The following MEIOC variants were observed in gnomAD, a reference collection of about 807,000 sequenced individuals.
The protein encoded by MEIOC is meiosis specific with coiled-coil domain, also known as meiosis-specific coiled-coil domain-containing protein MEIOC.
A neutral mutation model predicts 85.3 loss-of-function variants in MEIOC; 9 were observed. The observed-to-expected ratio is 0.11, with a 90% CI of 0.06 to 0.18. The LOEUF (loss-of-function observed/expected upper bound fraction) is 0.18. MEIOC is among the 10% of genes least tolerant of loss of function. MEIOC has a pLI of 1.00. For missense variants in MEIOC, 898 were observed against 1,129.4 expected, an observed-to-expected ratio of 0.80 and a Z score of 2.94; for synonymous variants, 365 against 393.7, an observed-to-expected ratio of 0.93 and a Z score of 0.86.
At chr17:44,666,054 A>T (rs911860278) in intron 4 of MEIOC, among the ~76,000 whole-genome samples, 7 of 152,210 alleles carry the variant, frequency 4.6e-5, no homozygotes, top group African/African-American at 1.7e-4. Context: ...TAATAACCTA[A>T]GCAAAGGAAA....
At chr17:44,673,258 T>C (rs1972035400) in intron 6 of MEIOC, 108 bp from the exon 7 acceptor site, 2 of 767,070 alleles carry the variant, frequency 2.6e-6, no homozygotes, top group East Asian at 3.0e-5. Flanking sequence ...CTTTGATTTA[T>C]TGAATGAATA....
chr17:44,663,977 A>C (rs762201780), intron 3 of MEIOC, among the ~76,000 whole-genome samples: 1 of 152,250 alleles, frequency 6.6e-6, no homozygotes. Context: ...GATCAATTAA[A>C]TATGAGTGTT....
chr17:44,667,429 A>G lies in MEIOC; in HGVS notation c.1518A>G (p.Ala506=), dbSNP rs764314659. The change falls in exon 5 of 8, where the codon GCA becomes GCG. Residue 506 remains alanine (A), a synonymous_variant. Coordinates refer to ENST00000409122, the MANE Select transcript of MEIOC (RefSeq NM_001145080.3). ...NLMKLNSHLS[A]ASKGSNHSSD... Reference sequence around the variant, plus strand: ...TGAAATTAAATAGTCATTTAAGTGCAGCTTCAAAAGGTTCTAACCATTCTT... The same window carrying G: ...TGAAATTAAATAGTCATTTAAGTGCGGCTTCAAAAGGTTCTAACCATTCTT... 1.2e-6 allele frequency: 2 copies of G among 1,613,728 alleles called. No individual in the cohort carries two copies. The highest frequency in any genetic ancestry group is 1.7e-4 in the Middle Eastern group (1 of 6,056).
At position 44,666,770 on chromosome 17, in the gene MEIOC, A is replaced by G. The variant is rs1598727559; in HGVS notation, c.859A>G (p.Ile287Val). ...SDIMKESGVD[I>V]YHYGRDRICT... ...TATCATGAAAGAATCAGGAGTTGAT[A>G]TCTACCATTATGGAAGAGACAGAAT... is the stretch of plus-strand genomic sequence containing the variant. Residue 287 changes from isoleucine (I) to valine (V), a missense_variant, in exon 5 of 8, where the codon ATC (isoleucine) becomes GTC (valine). By Grantham distance (29) the Ile-to-Val change is conservative. Coordinates refer to ENST00000409122, the MANE Select transcript of MEIOC (RefSeq NM_001145080.3). The G allele has an allele frequency of 4.3e-6, 7 of 1,613,590 alleles. No homozygotes were observed. Among genetic ancestry groups the G allele is most frequent in the East Asian group, 2.2e-5 (1 of 44,864 alleles).
At chr17:44,669,258 G>T in intron 5 of MEIOC, 125 bp from the exon 6 acceptor site, 1 of 746,738 alleles carries the variant, frequency 1.3e-6, no homozygotes, top group East Asian at 2.8e-5. Flanking sequence ...GTTGTCTTTT[G>T]ATACCAAAAC....
At chr17:44,671,564 T>A (rs1433710835) in intron 6 of MEIOC, among the ~76,000 whole-genome samples, 2 of 145,056 alleles carry the variant, frequency 1.4e-5, no homozygotes, top group South Asian at 2.2e-4. Context: ...AAAAAAAAAA[T>A]TCATTTTATC....
At position 44,673,483 on chromosome 17, in the gene MEIOC, G is replaced by A; in HGVS notation, c.2575G>A (p.Asp859Asn). 6.4e-7 allele frequency: 1 copy of A among 1,551,340 alleles called. No individual in the cohort carries two copies. The highest frequency in any genetic ancestry group is 8.7e-7 in the Non-Finnish European group (1 of 1,146,916). The change falls in exon 7 of 8, where the codon GAT becomes AAT. Residue 859 changes from aspartate (D) to asparagine (N), a missense_variant. Asp to Asn is a conservative substitution (Grantham distance 23, BLOSUM62 1). Around this residue, in one of 2 missense-constraint regions of MEIOC, gnomAD observed 164 missense variants for 269.2 expected, o/e 0.61. Transcript: ENST00000409122. ...TCACATTGTACAGTCACGTAGAAAG[G>A]ATGAAATTGTTAATGCTTCCAATCG... ...SIHIVQSRRKDEIVNASNRQR... is the reference protein window; with the variant it reads ...SIHIVQSRRKNEIVNASNRQR...
Position 44,675,448 on chromosome 17 carries a change from C to T in MEIOC, c.*1252C>T. 1 of 969,172 alleles carries T rather than the reference C, an allele frequency of 1.0e-6. No homozygotes were observed. Among genetic ancestry groups the T allele is most frequent in the Non-Finnish European group, 1.2e-6 (1 of 815,526 alleles). The allele number at this position is 969,172 out of a possible 1,614,324, so 60.0% of individuals were successfully genotyped here. A position where few individuals can be genotyped will look rare whatever the true frequency, so the allele number is the denominator to read the frequency against. On this transcript the variant is annotated 3_prime_UTR_variant, in exon 8 of 8. Coordinates refer to ENST00000409122, the MANE Select transcript of MEIOC (RefSeq NM_001145080.3). The stretch of plus-strand genomic sequence containing the variant: ...TACTGATGAAATTTAATTGAAATAT[C>T]CTTGACTAGAAACACTGATGTTTTA...
At chr17:44,676,816 T>C (rs1024763750), downstream of MEIOC, 101 of 328,808 alleles carry the variant, frequency 3.1e-4, no homozygotes, top group African/African-American at 2.0e-3. Flanking sequence ...AGTGATCCGT[T>C]TCAAAAAACA....
Position 44,674,761 on chromosome 17 carries a change from T to G in MEIOC, c.*565T>G. 1 of 978,318 alleles carries G rather than the reference T, an allele frequency of 1.0e-6. No individual in the cohort carries two copies. The highest frequency in any genetic ancestry group is 4.7e-5 in the South Asian group (1 of 21,132). The allele number at this position is 978,318 out of a possible 1,614,324, so 60.6% of individuals were successfully genotyped here. On this transcript the variant is annotated 3_prime_UTR_variant, in exon 8 of 8. Coordinates refer to ENST00000409122, the MANE Select transcript of MEIOC (RefSeq NM_001145080.3). ...TACTATACTACCATATTTATAAATT[T>G]GGAATCTTAATGCCTAGGTATATGG...
chr17:44,658,626 C>A (rs1971802370), intron 2 of MEIOC, among the ~76,000 whole-genome samples: 1 of 151,348 alleles, frequency 6.6e-6, no homozygotes, highest in Admixed American at 6.6e-5. Flanking sequence ...GAAACCCCAT[C>A]TCTACTAAAA....
rs1001209730 is a variant in MEIOC at position 44,669,167 on chromosome 17, C to A, written c.2323-216C>A. On this transcript the variant is annotated intron_variant, in intron 5 of 7. Coordinates refer to ENST00000409122, the MANE Select transcript of MEIOC (RefSeq NM_001145080.3). Reference sequence around the variant, plus strand: ...ACAGTGAGCCGAGACTGCACCACTGCACTCCAGCCTGGGCAATAGAGTGAG... The same window carrying A: ...ACAGTGAGCCGAGACTGCACCACTGAACTCCAGCCTGGGCAATAGAGTGAG... Among the ~76,000 whole-genome samples, 27 of 151,840 alleles carry A rather than the reference C, an allele frequency of 1.8e-4. 1 individual carries two copies.
intron 2 of MEIOC, 130 bp from the exon 3 acceptor site, chr17:44,662,187 C>A: frequency 1.4e-6 from 1 of 733,030 alleles, no homozygotes; most frequent in Non-Finnish European, 2.2e-6. Flanking sequence ...AAGCTTAAGT[C>A]ACTAAGTCTG....
intron 2 of MEIOC, among the ~76,000 whole-genome samples, chr17:44,657,994 G>A (rs1228912904): frequency 6.6e-6 from 1 of 151,822 alleles, no homozygotes; most frequent in African/African-American, 2.4e-5. Flanking sequence ...TGGGATTACA[G>A]GCACCTGCCA....
Position 44,657,141 on chromosome 17 carries a change from C to T in MEIOC, c.84C>T (p.Phe28=). ...GTGTGCTGCAGCCCAAAGTCGCGTTCCCCGGAGGTGCGAATCGCTGTTGGA... is the reference window on the plus strand; with the variant it reads ...GTGTGCTGCAGCCCAAAGTCGCGTTTCCCGGAGGTGCGAATCGCTGTTGGA... The part of the protein sequence containing the change: ...REEGLEPKVA[F]PGGANRCWNL... Residue 28 remains phenylalanine (F), a synonymous_variant, in exon 2 of 8, where the codon TTC becomes TTT. Transcript: ENST00000409122. 3.2e-6 allele frequency: 5 copies of T among 1,550,648 alleles called. No individual in the cohort carries two copies. Among genetic ancestry groups the T allele is most frequent in the Non-Finnish European group, 4.4e-6 (5 of 1,146,852 alleles).
In MEIOC at chr17:44,674,347, A is replaced by T; in HGVS notation, c.*151A>T. 1 of 1,411,776 alleles carries T rather than the reference A, an allele frequency of 7.1e-7. No individual in the cohort carries two copies. Among genetic ancestry groups the T allele is most frequent in the Non-Finnish European group, 9.2e-7 (1 of 1,085,608 alleles). 87.5% of individuals were successfully genotyped at this position (1,411,776 alleles called of 1,614,324 possible). A position where few individuals can be genotyped will look rare whatever the true frequency, so the allele number is the denominator to read the frequency against. ...TAATGAAGTCTAACTTCTATTTAAAAATCTTCTATTTGAAGTGAATCCGAT... is the reference window on the plus strand; with the variant it reads ...TAATGAAGTCTAACTTCTATTTAAATATCTTCTATTTGAAGTGAATCCGAT... On this transcript the variant is annotated 3_prime_UTR_variant, in exon 8 of 8. Coordinates refer to ENST00000409122, the MANE Select transcript of MEIOC (RefSeq NM_001145080.3).
chr17:44,674,492 A>G lies in MEIOC; in HGVS notation c.*296A>G, dbSNP rs1314954826. ...AAAATGTGCTTAAACTCATTCTGCCATGCAGGTAAATGCAAATGTGAAATT... is the reference window on the plus strand; with the variant it reads ...AAAATGTGCTTAAACTCATTCTGCCGTGCAGGTAAATGCAAATGTGAAATT... On this transcript the variant is annotated 3_prime_UTR_variant, in exon 8 of 8. Coordinates refer to ENST00000409122, the MANE Select transcript of MEIOC (RefSeq NM_001145080.3). 2 of 1,075,386 alleles carry G rather than the reference A, an allele frequency of 1.9e-6. No homozygotes were observed. The highest frequency in any genetic ancestry group is 2.3e-6 in the Non-Finnish European group (2 of 885,858). The allele number at this position is 1,075,386 out of a possible 1,614,324, so 66.6% of individuals were successfully genotyped here. A position where few individuals can be genotyped will look rare whatever the true frequency, so the allele number is the denominator to read the frequency against.
At chr17:44,666,229 G>A in intron 4 of MEIOC, 147 bp from the exon 5 acceptor site, 1 of 634,400 alleles carries the variant, frequency 1.6e-6, no homozygotes, top group Non-Finnish European at 2.7e-6. Flanking sequence ...TGGAGCTAAT[G>A]GTAGCTTATA....
chr17:44,666,676 A>G lies in MEIOC; in HGVS notation c.765A>G (p.Thr255=). The stretch of plus-strand genomic sequence containing the variant: ...GTCACAATATTCAGACAAATGATAC[A>G]GCTAAGACAACATTCCAAGAATATC... ...SNCHNIQTND[T]AKTTFQEYPL... Residue 255 remains threonine (T), a synonymous_variant, in exon 5 of 8, where the codon ACA becomes ACG. Coordinates refer to ENST00000409122, the MANE Select transcript of MEIOC (RefSeq NM_001145080.3). The G allele has an allele frequency of 6.2e-7, 1 of 1,612,242 alleles. No homozygotes were observed. Among genetic ancestry groups the G allele is most frequent in the Non-Finnish European group, 8.5e-7 (1 of 1,179,002 alleles).
Sources: allele counts gnomAD v4.1 joint callset (sites outside exome capture counted in the v4.1 genomes callset), GRCh38; gene constraint gnomAD v4.1.1; regional missense constraint gnomAD v4.1.1; transcripts MANE v1.5; gene names NCBI Gene and HGNC (gene_info 2026-07-23, HGNC 2026-07-21).